Variants in ARL2 observed in about 807,000 individuals in gnomAD.
The protein encoded by ARL2 is ARF like GTPase 2.
Under a neutral mutation model 22.0 loss-of-function variants are expected in ARL2, and 11 were observed. The ratio of observed to expected loss-of-function variants is 0.50; its 90% CI spans 0.31 to 0.83. ARL2 has a LOEUF of 0.83. Among genes scored for constraint, ARL2 ranks in the 40% least tolerant of loss-of-function variants. ARL2 has a pLI of 0.04. For missense variants in ARL2, 216 were observed against 243.2 expected (o/e 0.89, Z 0.74); for synonymous variants, 111 against 100.8 (o/e 1.10, Z -0.61).
chr11:65,021,582 C>A, intron 4 of ARL2, 139 bp from the exon 5 acceptor site: 1 of 1,129,276 alleles, frequency 8.9e-7, no homozygotes, highest in Non-Finnish European at 1.2e-6. Flanking sequence ...CTGGGACCGG[C>A]GGGGCTTCCT....
At chr11:65,019,080 G>GA in intron 3 of ARL2, 1 of 610,092 alleles carries the variant, frequency 1.6e-6, no homozygotes, top group Non-Finnish European at 2.5e-6. Context: ...ACTCTTTGCT[G>GA]TGTGACCTCA....
intron 1 of ARL2, among the ~76,000 whole-genome samples, chr11:65,016,282 A>T (rs553173862): frequency 1.4e-5 from 2 of 147,986 alleles, no homozygotes; most frequent in African/African-American, 2.5e-5. Flanking sequence ...GGGGGGGGAA[A>T]CTTTAAAGCA....
chr11:65,016,274 G>A (rs992952488), intron 1 of ARL2, among the ~76,000 whole-genome samples: 97 of 144,696 alleles, frequency 6.7e-4, no homozygotes, highest in African/African-American at 1.8e-3. Context: ...AATTCGGGGG[G>A]GGGGGAAACT....
At position 65,020,495 on chromosome 11, in the gene ARL2, G is replaced by T. The variant is rs746418004; in HGVS notation, c.416G>T (p.Arg139Leu). The T allele has an allele frequency of 6.2e-7, 1 of 1,609,102 alleles. No homozygotes were observed. Among genetic ancestry groups the T allele is most frequent in the East Asian group, 2.2e-5 (1 of 44,670 alleles). Residue 139 changes from arginine to leucine, a missense_variant, in exon 4 of 5, where the codon CGC (arginine) becomes CTC (leucine). Coordinates refer to ENST00000246747, the MANE Select transcript of ARL2 (RefSeq NM_001667.4). Reference protein sequence around the residue: ...LPGALSSNAIREVLELDSIRS... With the variant: ...LPGALSSNAILEVLELDSIRS... ...GGAGCACTGTCCTCTAACGCCATCC[G>T]CGAGGTGAGTCCAGGCCCCGGGACA... is the stretch of plus-strand genomic sequence containing the variant.
chr11:65,016,645 G>A (rs1050037062), intron 1 of ARL2, among the ~76,000 whole-genome samples: 21 of 152,024 alleles, frequency 1.4e-4, no homozygotes, highest in African/African-American at 5.1e-4. Flanking sequence ...TGAGAACCCT[G>A]TGTGTGCCTG....
intron 4 of ARL2, among the ~76,000 whole-genome samples, chr11:65,021,167 C>T (rs1946323255): frequency 6.6e-6 from 1 of 152,216 alleles, no homozygotes; most frequent in Non-Finnish European, 1.5e-5. Context: ...AGCAGGCTCA[C>T]AGAGGTTAGG....
At chr11:65,021,027 T>C (rs1358597575) in intron 4 of ARL2, among the ~76,000 whole-genome samples, 1 of 152,252 alleles carries the variant, frequency 6.6e-6, no homozygotes, top group African/African-American at 2.4e-5. Context: ...GCTGCGCATG[T>C]GTTGTTCACA....
chr11:65,016,019 C>T (rs1239412165), intron 1 of ARL2, among the ~76,000 whole-genome samples: 1 of 151,922 alleles, frequency 6.6e-6, no homozygotes, highest in Non-Finnish European at 1.5e-5. Context: ...CCAGTCTGGC[C>T]AACATGGTGA....
At position 65,017,331 on chromosome 11, in the gene ARL2, G is replaced by C. The variant is rs369590926; in HGVS notation, c.66-1033G>C. Among the ~76,000 whole-genome samples the C allele has an allele frequency of 3.3e-5, 5 of 151,956 alleles. No homozygotes were observed. In the East Asian group the frequency reaches 7.7e-4, roughly 23 times the overall value. ...CTGTCTCAGCCTCCCGAGTAGCTGG[G>C]ACTATAGGGGCCCGCCACCACGCCT... is the stretch of plus-strand genomic sequence containing the variant. On this transcript the variant is annotated intron_variant, in intron 1 of 4. Coordinates refer to ENST00000246747, the MANE Select transcript of ARL2 (RefSeq NM_001667.4).
At chr11:65,014,741 TC>T (rs948013702) in intron 1 of ARL2, among the ~76,000 whole-genome samples, 6 of 152,140 alleles carry the variant, frequency 3.9e-5, no homozygotes, top group African/African-American at 1.2e-4. Flanking sequence ...ACAGTCCGTC[TC>T]TTTGGTGTTA....
intron 1 of ARL2, 74 bp downstream of exon 1, chr11:65,014,346 G>A (rs1946221887): frequency 1.5e-6 from 2 of 1,337,114 alleles, no homozygotes; most frequent in Non-Finnish European, 1.0e-6. Flanking sequence ...GCCCCCTGTC[G>A]GGAGCGGAAC....
At chr11:65,016,501 C>T (rs115134671) in intron 1 of ARL2, among the ~76,000 whole-genome samples, 4,758 of 151,916 alleles carry the variant, frequency 0.031, 238 homozygotes, top group African/African-American at 0.11. Context: ...GTGACGCAGG[C>T]GAGATAGGAT....
chr11:65,021,432 G>A, intron 4 of ARL2: 1 of 363,210 alleles, frequency 2.8e-6, no homozygotes, highest in South Asian at 7.7e-5. Flanking sequence ...GAGTGAGAGA[G>A]GGTGTGTGGG....
chr11:65,015,262 C>T (rs889302883), intron 1 of ARL2, among the ~76,000 whole-genome samples: 5 of 152,098 alleles, frequency 3.3e-5, no homozygotes, highest in African/African-American at 9.7e-5. Context: ...TACAGGTGCC[C>T]GCCACCACGC....
intron 3 of ARL2, chr11:65,019,092 C>A: frequency 1.9e-6 from 1 of 534,144 alleles, no homozygotes; most frequent in Non-Finnish European, 3.0e-6. Flanking sequence ...GTGACCTCAG[C>A]TGGGGGTGGT....
At chr11:65,014,622 G>A (rs916853505) in intron 1 of ARL2, among the ~76,000 whole-genome samples, 1 of 152,210 alleles carries the variant, frequency 6.6e-6, no homozygotes, top group Non-Finnish European at 1.5e-5. Context: ...CCTCCCCCGG[G>A]CCCGAGGGTT....
intron 1 of ARL2, among the ~76,000 whole-genome samples, chr11:65,015,786 CTA>C (rs924783787): frequency 3.3e-5 from 5 of 151,914 alleles, no homozygotes; most frequent in Admixed American, 3.3e-4. Flanking sequence ...TCCATACATA[CTA>C]TATATATATG....
chr11:65,014,306 CG>C (rs1565178986), intron 1 of ARL2, 34 bp downstream of exon 1: 1 of 1,516,030 alleles, frequency 6.6e-7, no homozygotes, highest in Non-Finnish European at 8.8e-7. Context: ...GCGAGGGTGG[CG>C]GGGTCCAGCC....
intron 1 of ARL2, among the ~76,000 whole-genome samples, chr11:65,016,449 T>C (rs1179173679): frequency 1.3e-5 from 2 of 151,566 alleles, no homozygotes; most frequent in African/African-American, 4.9e-5. Flanking sequence ...CAGTGAGAAG[T>C]GCAGTGGAGA....
Sources: allele counts gnomAD v4.1 joint callset (sites outside exome capture counted in the v4.1 genomes callset), GRCh38; gene constraint gnomAD v4.1.1; transcripts MANE v1.5; gene names NCBI Gene and HGNC (gene_info 2026-07-23, HGNC 2026-07-21).